The following STK3 variants were observed in gnomAD, a reference collection of about 807,000 sequenced individuals.
STK3 encodes serine/threonine kinase 3, also known as serine/threonine-protein kinase 3.
STK3 carries 41 observed loss-of-function variants against 58.0 expected under a neutral mutation model. The ratio of observed to expected loss-of-function variants is 0.71; its 90% CI spans 0.55 to 0.92. The LOEUF (loss-of-function observed/expected upper bound fraction) is 0.92, where lower values mean the gene tolerates loss of function less well. Among genes scored for constraint, STK3 ranks in the 40% least tolerant of loss-of-function variants. STK3 has a pLI of 0.00. For missense variants in STK3, 479 were observed against 602.7 expected (o/e 0.79, Z 2.15); for synonymous variants, 170 against 191.0 (o/e 0.89, Z 0.91).
chr8:98,431,185 C>T (rs1818320422), intron 3 of STK3: 1 of 167,198 alleles, frequency 6.0e-6, no homozygotes, highest in South Asian at 2.1e-4. Context: ...AGGATCTTAT[C>T]AGAAGGCTTT....
At chr8:98,708,004 T>C (rs1826085154) in intron 4 of STK3, among the ~76,000 whole-genome samples, 1 of 152,002 alleles carries the variant, frequency 6.6e-6, no homozygotes, top group African/African-American at 2.4e-5. Context: ...CCAGGCGTGA[T>C]GGCGTGCACT....
chr8:98,483,098 T>C (rs1231179793), intron 10 of STK3, among the ~76,000 whole-genome samples: 1 of 152,172 alleles, frequency 6.6e-6, no homozygotes, highest in African/African-American at 2.4e-5. Context: ...CCAGGTACCA[T>C]GACCTATGTA....
At chr8:98,450,550 C>A (rs1315245202), downstream of STK3, among the ~76,000 whole-genome samples, 1 of 152,186 alleles carries the variant, frequency 6.6e-6, no homozygotes, top group Non-Finnish European at 1.5e-5. Context: ...CAGGCTCCTT[C>A]CGCCATGCTG....
At chr8:98,660,836 C>G (rs1373257989) in intron 6 of STK3, among the ~76,000 whole-genome samples, 1 of 152,052 alleles carries the variant, frequency 6.6e-6, no homozygotes, top group African/African-American at 2.4e-5. Context: ...CCCATCATCA[C>G]TGTAGAAGCC....
At chr8:98,680,703 C>G (rs985869811) in intron 6 of STK3, among the ~76,000 whole-genome samples, 1 of 152,138 alleles carries the variant, frequency 6.6e-6, no homozygotes, top group African/African-American at 2.4e-5. Flanking sequence ...TCTCTGTAGA[C>G]AGTTTCTAAA....
Position 98,865,801 on chromosome 8 carries a change from A to G in STK3, c.110+17846T>C, listed in dbSNP as rs549883920. Among the ~76,000 whole-genome samples, 45 of 152,372 alleles carry G rather than the reference A, an allele frequency of 3.0e-4. 1 individual carries two copies. In the South Asian group the frequency reaches 6.6e-3, roughly 22 times the overall value. ...TCCATCTAAGTCTATATTACGTTGC[A>G]ACACAGTGGAGTATCAAAGCCCCGT... On this transcript the variant is annotated intron_variant, in intron 3 of 12. Coordinates refer to the STK3 transcript ENST00000523601.
chr8:98,547,567 G>A (rs887322415), intron 9 of STK3, among the ~76,000 whole-genome samples: 8 of 151,988 alleles, frequency 5.3e-5, no homozygotes, highest in African/African-American at 1.5e-4. Context: ...CCCATAGCTC[G>A]CACTGCTCTT....
intron 6 of STK3, among the ~76,000 whole-genome samples, chr8:98,677,496 A>G (rs1823313920): frequency 6.6e-6 from 1 of 151,936 alleles, no homozygotes; most frequent in East Asian, 1.9e-4. Flanking sequence ...CATACTACCC[A>G]AACTAAAGGC....
chr8:98,854,608 TA>T (rs1404274225), intron 3 of STK3, among the ~76,000 whole-genome samples: 5 of 152,068 alleles, frequency 3.3e-5, no homozygotes, highest in Non-Finnish European at 2.9e-5. Flanking sequence ...AATAAAATTA[TA>T]AAAAACTCAT....
chr8:98,671,573 G>GTTT (rs559574167), intron 6 of STK3, among the ~76,000 whole-genome samples: 2 of 150,688 alleles, frequency 1.3e-5, no homozygotes, highest in African/African-American at 4.9e-5. Flanking sequence ...TTAGTTTGGG[G>GTTT]TTTTTTTTTG....
At chr8:98,802,220 C>G (rs543018445) in intron 1 of STK3, among the ~76,000 whole-genome samples, 1 of 152,112 alleles carries the variant, frequency 6.6e-6, no homozygotes, top group African/African-American at 2.4e-5. Context: ...TTTTTCCTAG[C>G]TCTCAATACA....
At chr8:98,459,210 C>T (rs1819742755) in intron 10 of STK3, among the ~76,000 whole-genome samples, 1 of 152,234 alleles carries the variant, frequency 6.6e-6, no homozygotes, top group Non-Finnish European at 1.5e-5. Context: ...AAAGATCACT[C>T]TTGCTATGCT....
chr8:98,580,385 G>A (rs921954659), intron 7 of STK3, among the ~76,000 whole-genome samples: 2 of 152,016 alleles, frequency 1.3e-5, no homozygotes, highest in African/African-American at 4.8e-5. Context: ...AGCTAAAATA[G>A]CTAAGCTCTC....
At chr8:98,781,497 T>G (rs1325731377) in intron 1 of STK3, among the ~76,000 whole-genome samples, 6 of 152,122 alleles carry the variant, frequency 3.9e-5, no homozygotes, top group Non-Finnish European at 8.8e-5. Context: ...CAAGGCAATT[T>G]ATCACAAAAT....
At chr8:98,907,379 T>G (rs1329801750) in intron 1 of STK3, among the ~76,000 whole-genome samples, 1 of 150,996 alleles carries the variant, frequency 6.6e-6, no homozygotes, top group Non-Finnish European at 1.5e-5. Context: ...CCAGGCGTGG[T>G]GGCACCACCT....
intron 6 of STK3, among the ~76,000 whole-genome samples, chr8:98,663,987 T>A (rs957426273): frequency 5.3e-5 from 8 of 152,202 alleles, no homozygotes; most frequent in African/African-American, 1.7e-4. Flanking sequence ...TTTTGCCTCA[T>A]GCACAATAAA....
At position 98,901,627 on chromosome 8, in the gene STK3, A is replaced by T. The variant is rs923377831; in HGVS notation, c.-78-17793T>A. On this transcript the variant is annotated intron_variant, in intron 1 of 1. Transcript: ENST00000519420. Reference sequence around the variant, plus strand: ...GGTAGCTCACAGGGCAGATCTGGTCACTGCTGGGATGTGTGGGCTGTGCCC... The same window carrying T: ...GGTAGCTCACAGGGCAGATCTGGTCTCTGCTGGGATGTGTGGGCTGTGCCC... 2.0e-5 allele frequency among the ~76,000 whole-genome samples: 3 copies of T among 152,242 alleles called. No homozygotes were observed. The South Asian group carries it at 6.2e-4, about 32-fold the overall frequency.
At chr8:98,786,551 A>G (rs1485980284) in intron 1 of STK3, among the ~76,000 whole-genome samples, 4 of 152,200 alleles carry the variant, frequency 2.6e-5, no homozygotes, top group Non-Finnish European at 5.9e-5. Flanking sequence ...GAAAGGAATG[A>G]AAGCTGATCT....
intron 1 of STK3, among the ~76,000 whole-genome samples, chr8:98,810,999 C>T (rs1834184708): frequency 6.6e-6 from 1 of 152,224 alleles, no homozygotes; most frequent in African/African-American, 2.4e-5. Context: ...TCACCAGAAA[C>T]TAAGCTGATG....
Sources: gnomAD v4.1 joint callset for allele counts (sites outside exome capture counted in the v4.1 genomes callset) on GRCh38, gnomAD v4.1.1 for gene constraint, MANE v1.5 for transcripts, NCBI Gene and HGNC (gene_info 2026-07-23, HGNC 2026-07-21) for gene names.